Variants in SCN8A observed in about 807,000 individuals in gnomAD.
SCN8A encodes the protein sodium channel protein type 8 subunit alpha.
Under a neutral mutation model 184.1 loss-of-function variants are expected in SCN8A, and 30 were observed. That is an observed-to-expected ratio of 0.16 (90% CI 0.12 to 0.22). SCN8A has a LOEUF of 0.22. Among genes scored for constraint, SCN8A ranks in the 10% least tolerant of loss-of-function variants. SCN8A has a pLI of 1.00. For synonymous variants in SCN8A, 852 were observed against 907.0 expected, an observed-to-expected ratio of 0.94 and a Z score of 1.09; for missense variants, 1,057 against 2,498.9, an observed-to-expected ratio of 0.42 and a Z score of 12.30.
At chr12:51,800,562 C>A (rs931637699) in intron 26 of SCN8A, among the ~76,000 whole-genome samples, 1 of 152,228 alleles carries the variant, frequency 6.6e-6, no homozygotes, top group Non-Finnish European at 1.5e-5. Flanking sequence ...CTCACACTAC[C>A]AGTCAGCCAA....
intron 2 of SCN8A, among the ~76,000 whole-genome samples, chr12:51,663,903 ATTTTTTTT>A (rs796653928): frequency 4.3e-5 from 3 of 69,804 alleles, no homozygotes; most frequent in Non-Finnish European, 8.0e-5. Flanking sequence ...CATTTGACAG[ATTTTTTTT>A]TTTTTTTTTT....
At chr12:51,787,192 A>G (rs1032556195) in intron 22 of SCN8A, among the ~76,000 whole-genome samples, 2 of 152,208 alleles carry the variant, frequency 1.3e-5, no homozygotes. Flanking sequence ...AGTAATGGCA[A>G]TTGTGATGGA....
intron 11 of SCN8A, among the ~76,000 whole-genome samples, chr12:51,708,719 T>G (rs1376470608): frequency 6.6e-6 from 1 of 152,212 alleles, no homozygotes; most frequent in African/African-American, 2.4e-5. Flanking sequence ...TGTATTATTT[T>G]GTTCTACTGC....
chr12:51,713,645 T>C (rs2138765113), intron 11 of SCN8A: 1 of 595,876 alleles, frequency 1.7e-6, no homozygotes, highest in Middle Eastern at 4.1e-4. Flanking sequence ...TCCTGCTCAC[T>C]CATCTCCGAC....
chr12:51,790,305 C>A, intron 24 of SCN8A, 93 bp from the exon 25 acceptor site: 1 of 778,074 alleles, frequency 1.3e-6, no homozygotes, highest in Non-Finnish European at 2.1e-6. Context: ...AGGGATAGGT[C>A]TCCCCTCAGT....
At chr12:51,620,417 T>G (rs948408525) in intron 1 of SCN8A, among the ~76,000 whole-genome samples, 1 of 152,198 alleles carries the variant, frequency 6.6e-6, no homozygotes, top group Non-Finnish European at 1.5e-5. Context: ...GGACTCTACT[T>G]GGATAAATTG....
At chr12:51,767,503 A>T (rs1942856416) in intron 16 of SCN8A, among the ~76,000 whole-genome samples, 1 of 152,046 alleles carries the variant, frequency 6.6e-6, no homozygotes, top group Non-Finnish European at 1.5e-5. Flanking sequence ...ATTTCTGTGG[A>T]TATCTTTCTT....
At position 51,806,235 on chromosome 12, in the gene SCN8A, G is replaced by A; in HGVS notation, c.4796-47G>A. 4.1e-6 allele frequency: 6 copies of A among 1,472,450 alleles called. No individual in the cohort carries two copies. Among genetic ancestry groups the A allele is most frequent in the Non-Finnish European group, 5.4e-6 (6 of 1,105,314 alleles). 91.2% of individuals were successfully genotyped at this position (1,472,450 alleles called of 1,614,324 possible). ...CCAGGTAAAAAAAATAAAGAGAAAG[G>A]GTGTCTCCCATCTCAATAACATAAC... On this transcript the variant is annotated intron_variant, in intron 26 of 26. Coordinates refer to ENST00000627620, the MANE Select transcript of SCN8A (RefSeq NM_001330260.2). This position sits in a 1 kb window ranked among gnomAD's most constrained non-coding sequence, Gnocchi z 8.7.
intron 2 of SCN8A, among the ~76,000 whole-genome samples, chr12:51,677,307 C>T (rs559807950): frequency 9.9e-5 from 15 of 151,884 alleles, no homozygotes; most frequent in East Asian, 3.9e-4. Flanking sequence ...AGGCTGATCT[C>T]GAACTCCTGG....
chr12:51,745,098 C>T (rs1366171732), intron 12 of SCN8A, among the ~76,000 whole-genome samples: 1 of 152,180 alleles, frequency 6.6e-6, no homozygotes, highest in Non-Finnish European at 1.5e-5. Context: ...GAACGTAAGT[C>T]AGGGACATGA....
intron 26 of SCN8A, among the ~76,000 whole-genome samples, chr12:51,796,850 G>A (rs1274771481): frequency 6.6e-6 from 1 of 152,162 alleles, no homozygotes; most frequent in Non-Finnish European, 1.5e-5. Context: ...AGCATCCAGC[G>A]CGGGAGGAGA....
At position 51,676,345 on chromosome 12, in the gene SCN8A, C is replaced by A. The variant is rs2138693863; in HGVS notation, c.277-7829C>A. The stretch of plus-strand genomic sequence containing the variant: ...AGGCAGATTAGCATAAATCAGGATT[C>A]TTTTCAACATGGCATAGTCATTTTT... On this transcript the variant is annotated intron_variant, in intron 2 of 26. Transcript: ENST00000627620. Among the ~76,000 whole-genome samples the A allele has an allele frequency of 1.3e-5, 2 of 152,262 alleles. 1 individual carries two copies. Among genetic ancestry groups the A allele is most frequent in the South Asian group, 4.1e-4 (2 of 4,826 alleles).
chr12:51,702,866 A>G lies in SCN8A; in HGVS notation c.1086A>G (p.Ala362=), dbSNP rs774882730. Residue 362 remains alanine (A), a synonymous_variant, in exon 9 of 27, where the codon GCA becomes GCG. Transcript: ENST00000627620. The stretch of plus-strand genomic sequence containing the variant: ...ACACTTTTAGCTGGGCCTTCTTGGC[A>G]TTATTTCGCCTTATGACCCAGGACT... The part of the protein sequence containing the change: ...SFDTFSWAFL[A]LFRLMTQDYW... The G allele has an allele frequency of 1.6e-5, 25 of 1,604,914 alleles. No individual in the cohort carries two copies. In the East Asian group the frequency reaches 5.4e-4, roughly 34 times the overall value.
At chr12:51,803,725 G>A (rs1267256714) in intron 26 of SCN8A, among the ~76,000 whole-genome samples, 1 of 152,012 alleles carries the variant, frequency 6.6e-6, no homozygotes, top group Non-Finnish European at 1.5e-5. Flanking sequence ...TATATAACCT[G>A]ACTTCTTTGG....
chr12:51,770,711 G>A (rs1282304458), intron 19 of SCN8A, 28 bp downstream of exon 19: 4 of 1,608,504 alleles, frequency 2.5e-6, no homozygotes, highest in African/African-American at 1.3e-5. Context: ...GTGTGAGGAG[G>A]GATTGGCTGG....
intron 13 of SCN8A, among the ~76,000 whole-genome samples, chr12:51,748,015 A>G (rs1322787711): frequency 1.3e-5 from 2 of 152,210 alleles, no homozygotes; most frequent in Non-Finnish European, 2.9e-5. Context: ...CTGCTCAGGC[A>G]TTCCGCCTAA....
intron 6 of SCN8A, among the ~76,000 whole-genome samples, chr12:51,694,207 A>G (rs566939024): frequency 2.0e-5 from 3 of 152,232 alleles, no homozygotes; most frequent in Non-Finnish European, 4.4e-5. Context: ...TGCTGAGATT[A>G]CAAGTGTGAG....
chr12:51,743,331 G>A (rs966222992), intron 12 of SCN8A, among the ~76,000 whole-genome samples: 2 of 152,004 alleles, frequency 1.3e-5, no homozygotes, highest in Non-Finnish European at 2.9e-5. Context: ...TCGCAATCTG[G>A]GCTTGTTTGT....
At chr12:51,691,077 T>G (rs998379079) in intron 6 of SCN8A, among the ~76,000 whole-genome samples, 2 of 152,212 alleles carry the variant, frequency 1.3e-5, no homozygotes, top group Non-Finnish European at 2.9e-5. Context: ...TCTTATTTTT[T>G]GAGGCATCTG....
Sources: gnomAD v4.1 joint callset for allele counts (sites outside exome capture counted in the v4.1 genomes callset) on GRCh38, gnomAD v4.1.1 for gene constraint, Gnocchi (gnomAD v3.1) non-coding constraint, MANE v1.5 for transcripts, NCBI Gene and HGNC (gene_info 2026-07-23, HGNC 2026-07-21) for gene names.